Variants in AKAP7 observed in about 807,000 individuals in gnomAD.
AKAP7 encodes the protein A-kinase anchoring protein 7.
In AKAP7, 39 loss-of-function variants were observed where a neutral mutation model predicts 39.5. The ratio of observed to expected loss-of-function variants is 0.99; its 90% confidence interval spans 0.76 to 1.29. The LOEUF is 1.29. AKAP7 is among the 50% of genes most tolerant of loss of function. The pLI is 0.00. For synonymous variants in AKAP7, 140 were observed against 139.1 expected, an observed-to-expected ratio of 1.01 and a Z score of -0.05; for missense variants, 414 against 407.7, an observed-to-expected ratio of 1.02 and a Z score of -0.13.
chr6:131,259,219 G>A (rs1321833738), intron 7 of AKAP7, among the ~76,000 whole-genome samples: 1 of 152,186 alleles, frequency 6.6e-6, no homozygotes, highest in African/African-American at 2.4e-5. Flanking sequence ...GTGAAATGCA[G>A]CCTTTTCAGG....
intron 7 of AKAP7, among the ~76,000 whole-genome samples, chr6:131,258,920 T>TG (rs1396149056): frequency 6.6e-6 from 1 of 152,110 alleles, no homozygotes; most frequent in Non-Finnish European, 1.5e-5. Context: ...TGGTGTGGAT[T>TG]GACAGAGGAT....
At chr6:131,258,317 C>CA (rs1303829013) in intron 7 of AKAP7, among the ~76,000 whole-genome samples, 1 of 152,114 alleles carries the variant, frequency 6.6e-6, no homozygotes, top group Non-Finnish European at 1.5e-5. Flanking sequence ...TGTGAGACCT[C>CA]AAAGTTTATT....
Position 131,270,986 on chromosome 6 carries a change from A to C in AKAP7, c.851-10544A>C, listed in dbSNP as rs373009269. On this transcript the variant is annotated intron_variant, in intron 7 of 7. Coordinates refer to ENST00000431975, the MANE Select transcript of AKAP7 (RefSeq NM_016377.4). ...CTCGCTACAAGTTCTTTAATAGATA[A>C]ATTTTGCAAATATGTTCTCCCAGTC... Among the ~76,000 whole-genome samples the C allele has an allele frequency of 3.9e-5, 6 of 152,246 alleles. No homozygotes were observed. The East Asian group carries it at 5.8e-4, about 15-fold the overall frequency.
chr6:131,177,174 A>G (rs1040985505), intron 5 of AKAP7, among the ~76,000 whole-genome samples: 2 of 152,166 alleles, frequency 1.3e-5, no homozygotes, highest in Non-Finnish European at 1.5e-5. Context: ...TTAAATATCA[A>G]TTTCATCCTG....
At chr6:131,127,260 C>G in the AKAP7 span, among the ~76,000 whole-genome samples, 2 of 152,098 alleles carry the variant, frequency 1.3e-5, no homozygotes, top group African/African-American at 4.8e-5. Context: ...GTCTCTAACT[C>G]CTGACCTCAA....
intron 7 of AKAP7, chr6:131,250,487 G>T (rs189059440): frequency 6.2e-7 from 1 of 1,602,694 alleles, no homozygotes; most frequent in South Asian, 1.1e-5. Flanking sequence ...GGGTGTGCTC[G>T]CAGACTGTGC....
intron 7 of AKAP7, among the ~76,000 whole-genome samples, chr6:131,266,684 T>TTTG (rs368469383): frequency 1.6e-4 from 24 of 149,102 alleles, no homozygotes; most frequent in East Asian, 1.2e-3. Context: ...TGCAGGGGTT[T>TTTG]TTGTTGTTGT....
chr6:131,155,640 A>T (rs998520049), intron 2 of AKAP7, among the ~76,000 whole-genome samples: 2 of 152,234 alleles, frequency 1.3e-5, no homozygotes, highest in Non-Finnish European at 2.9e-5. Flanking sequence ...GGAAAGATGG[A>T]ATAAATGCTT....
intron 7 of AKAP7, among the ~76,000 whole-genome samples, chr6:131,276,057 G>T (rs2128338002): frequency 6.6e-6 from 1 of 152,242 alleles, no homozygotes; most frequent in African/African-American, 2.4e-5. Context: ...GGTGGAGTTG[G>T]GTGGAGGGAC....
chr6:131,221,937 C>T (rs183716336), intron 7 of AKAP7, among the ~76,000 whole-genome samples: 161 of 152,254 alleles, frequency 1.1e-3, no homozygotes, highest in African/African-American at 3.9e-3. Flanking sequence ...TTCTGCAGCT[C>T]ATGGATCAAG....
chr6:131,186,257 CTT>C (rs1805846253), intron 5 of AKAP7, among the ~76,000 whole-genome samples: 2 of 152,084 alleles, frequency 1.3e-5, no homozygotes, highest in Admixed American at 6.6e-5. Context: ...CCCTCTCTCT[CTT>C]ATTCCTGCTC....
intron 4 of AKAP7, among the ~76,000 whole-genome samples, chr6:131,168,527 G>A (rs182964501): frequency 6.6e-6 from 1 of 152,244 alleles, no homozygotes; most frequent in African/African-American, 2.4e-5. Flanking sequence ...GCGTATAATT[G>A]CATAGGCTAA....
At chr6:131,185,229 C>T (rs951021836) in intron 5 of AKAP7, 11 of 470,736 alleles carry the variant, frequency 2.3e-5, no homozygotes. Context: ...TGGATCTTCA[C>T]AGGGGTGGGC....
rs1802456102 is a variant in AKAP7, at chr6:131,156,806, T to C, written c.152-3253T>C. ...TTTTTTTTTTGAGATGGAGTCTCACTCTGTCACCCAGGCTGGAGTGTGCAG... is the reference window on the plus strand; with the variant it reads ...TTTTTTTTTTGAGATGGAGTCTCACCCTGTCACCCAGGCTGGAGTGTGCAG... On this transcript the variant is annotated intron_variant, in intron 2 of 7. Coordinates refer to ENST00000431975, the MANE Select transcript of AKAP7 (RefSeq NM_016377.4). 2.0e-5 allele frequency among the ~76,000 whole-genome samples: 3 copies of C among 151,420 alleles called. No homozygotes were observed. In the South Asian group the frequency reaches 6.3e-4, roughly 32 times the overall value.
At position 131,219,704 on chromosome 6, in the gene AKAP7, G is replaced by A. The variant is rs1488399678; in HGVS notation, c.746G>A (p.Ser249Asn). Residue 249 changes from serine to asparagine, a missense_variant, in exon 7 of 8, where the codon AGT becomes AAT. Transcript: ENST00000431975. ...IDPDLYEKFI[S>N]HRFGEEILYR... ...CCTGATTTATATGAAAAGTTTATCA[G>A]TCACAGATTTGGAGAAGAAATATTA... 6.3e-7 allele frequency: 1 copy of A among 1,597,172 alleles called. No individual in the cohort carries two copies.
chr6:131,160,013 C>A (rs1802800810), intron 2 of AKAP7, 46 bp from the exon 3 acceptor site: 1 of 1,457,318 alleles, frequency 6.9e-7, no homozygotes, highest in Non-Finnish European at 9.2e-7. Flanking sequence ...ACTGTATTAT[C>A]TTTGTTTAAA....
At chr6:131,146,367 G>A (rs1384840693) in intron 2 of AKAP7, among the ~76,000 whole-genome samples, 1 of 152,108 alleles carries the variant, frequency 6.6e-6, no homozygotes, top group African/African-American at 2.4e-5. Flanking sequence ...TAACACTTTG[G>A]GAGGCTGAGA....
At chr6:131,255,388 G>A (rs954773535) in intron 7 of AKAP7, among the ~76,000 whole-genome samples, 1 of 152,204 alleles carries the variant, frequency 6.6e-6, no homozygotes, top group Non-Finnish European at 1.5e-5. Flanking sequence ...TGGAACCCAT[G>A]AAGAGCTTTG....
chr6:131,226,546 T>G (rs1030676263), intron 7 of AKAP7, among the ~76,000 whole-genome samples: 6 of 152,368 alleles, frequency 3.9e-5, no homozygotes, highest in African/African-American at 1.2e-4. Context: ...TTTAGGATTA[T>G]GAAAGCTGTT....
Sources: gnomAD v4.1 joint callset for allele counts (sites outside exome capture counted in the v4.1 genomes callset) on GRCh38, gnomAD v4.1.1 for gene constraint, MANE v1.5 for transcripts, NCBI Gene and HGNC (gene_info 2026-07-23, HGNC 2026-07-21) for gene names.